PIEZO1: variants seen among roughly 807,000 people sequenced by gnomAD.
PIEZO1 encodes piezo-type mechanosensitive ion channel component 1.
Under a neutral mutation model 297.2 loss-of-function variants are expected in PIEZO1, and 296 were observed. The observed-to-expected ratio is 1.00, with a 90% CI of 0.91 to 1.10. PIEZO1 has a LOEUF of 1.10. Ranked by LOEUF, PIEZO1 falls within the 50% of genes least tolerant of loss-of-function variation. The pLI is 0.00. For synonymous variants in PIEZO1, 2,427 were observed against 1,507.5 expected, an observed-to-expected ratio of 1.61 and a Z score of -14.13; for missense variants, 5,018 against 3,455.5, an observed-to-expected ratio of 1.45 and a Z score of -11.34.
At chr16:88,737,902 C>A (rs1257585881) in intron 8 of PIEZO1, 32 bp downstream of exon 8, 1 of 1,531,482 alleles carries the variant, frequency 6.5e-7, no homozygotes, top group African/African-American at 1.4e-5. Flanking sequence ...GGCCTGGCCT[C>A]AGCCCACCCA....
chr16:88,722,291 G>C lies in PIEZO1; in HGVS notation c.4882C>G (p.Pro1628Ala). The C allele has an allele frequency of 6.5e-7, 1 of 1,548,582 alleles. No individual in the cohort carries two copies. Among genetic ancestry groups the C allele is most frequent in the Non-Finnish European group, 8.7e-7 (1 of 1,146,726 alleles). ...RSGSEEAVTDPGEREAGASLY... is the reference protein window; with the variant it reads ...RSGSEEAVTDAGEREAGASLY... Reference sequence around the variant, plus strand: ...GAGGCACCAGCCTCACGCTCCCCGGGGTCGGTGACTGCCTCCTCACTGCCA... The same window carrying C: ...GAGGCACCAGCCTCACGCTCCCCGGCGTCGGTGACTGCCTCCTCACTGCCA... The change falls in exon 36 of 51, where the codon CCC becomes GCC. Residue 1628 changes from proline to alanine, a missense_variant. Pro to Ala is a conservative substitution (Grantham distance 27). Coordinates refer to ENST00000301015, the MANE Select transcript of PIEZO1 (RefSeq NM_001142864.4).
Position 88,722,083 on chromosome 16 carries a change from G to A in PIEZO1, c.4956-17C>T, listed in dbSNP as rs569360917. 1.1e-4 allele frequency: 177 copies of A among 1,540,280 alleles called. 1 individual carries two copies. Among genetic ancestry groups the A allele is most frequent in the Middle Eastern group, 9.1e-4 (4 of 4,404 alleles). On this transcript the variant is annotated splice_polypyrimidine_tract_variant and intron_variant, in intron 36 of 50. Coordinates refer to ENST00000301015, the MANE Select transcript of PIEZO1 (RefSeq NM_001142864.4). ...CGCAGGCGCCTACAGGGAGACCCGC[G>A]TGTTTGGGGGAGTCTGGGACTGCCC...
Position 88,727,322 on chromosome 16 carries a change from G to A in PIEZO1, c.3302-130C>T, listed in dbSNP as rs1037236580. 9.1e-6 allele frequency: 10 copies of A among 1,102,968 alleles called. No individual in the cohort carries two copies. In the African/African-American group the frequency reaches 1.4e-4, roughly 16 times the overall value. The allele number at this position is 1,102,968 out of a possible 1,614,324, so 68.3% of individuals were successfully genotyped here. A position where few individuals can be genotyped will look rare whatever the true frequency, so the allele number is the denominator to read the frequency against. ...TGGGAGCGGACACACGTCTGCCTGG[G>A]TGAGTGGCCGGGTGTCCCTGGGGGA... On this transcript the variant is annotated intron_variant, in intron 23 of 50. Coordinates refer to ENST00000301015, the MANE Select transcript of PIEZO1 (RefSeq NM_001142864.4).
chr16:88,727,387 C>T (rs916346583), intron 23 of PIEZO1, among the ~76,000 whole-genome samples, 170 bp downstream of exon 23: 4 of 152,192 alleles, frequency 2.6e-5, no homozygotes, highest in Non-Finnish European at 5.9e-5. Flanking sequence ...CTGCCGTGCA[C>T]ACAGGCTGAG....
intron 1 of PIEZO1, among the ~76,000 whole-genome samples, chr16:88,779,906 G>A (rs910016145): frequency 6.6e-6 from 1 of 152,244 alleles, no homozygotes; most frequent in Non-Finnish European, 1.5e-5. Context: ...AGCCTTCCGG[G>A]GGGGACGGCT....
intron 44 of PIEZO1, 155 bp downstream of exon 44, chr16:88,719,419 G>A: frequency 1.5e-6 from 1 of 658,236 alleles, no homozygotes; most frequent in Non-Finnish European, 2.6e-6. Context: ...CTGGCCTCGT[G>A]ATCAGCTAGT....
chr16:88,728,515 C>A (rs12598827), intron 22 of PIEZO1, among the ~76,000 whole-genome samples: 1 of 98,754 alleles, frequency 1.0e-5, no homozygotes, highest in African/African-American at 3.7e-5. Flanking sequence ...CATGCTGAAC[C>A]CACAGCCCCA....
intron 1 of PIEZO1, among the ~76,000 whole-genome samples, chr16:88,762,260 G>A (rs1567689828): frequency 6.9e-6 from 1 of 143,926 alleles, no homozygotes; most frequent in African/African-American, 2.5e-5. Flanking sequence ...AAGGGCCCCC[G>A]CTGGCCTTTG....
chr16:88,734,980 G>A lies in PIEZO1; in HGVS notation c.1743C>T (p.Ile581=), dbSNP rs1905107439. ...CGATGAACATGCCAGCACACACATA[G>A]ATCCAGTACTTGGCGTACACGCCCT... The part of the protein sequence containing the change: ...LVKGVYAKYW[I]YVCAGMFIVV... Residue 581 remains isoleucine, a synonymous_variant, in exon 14 of 51, where the codon ATC becomes ATT. Coordinates refer to ENST00000301015, the MANE Select transcript of PIEZO1 (RefSeq NM_001142864.4). 2 of 1,550,428 alleles carry A rather than the reference G, an allele frequency of 1.3e-6. No homozygotes were observed. The highest frequency in any genetic ancestry group is 1.4e-5 in the African/African-American group (1 of 73,070).
At position 88,741,469 on chromosome 16, in the gene PIEZO1, T is replaced by A. The variant is rs1905651688; in HGVS notation, c.465+9A>T. On this transcript the variant is annotated intron_variant, in intron 5 of 50. Transcript: ENST00000301015. ...CTCCCTGACACACGGGTGACGCAGC[T>A]GCCCTCACCAGCTCCCGTGGATGTG... 6.5e-7 allele frequency: 1 copy of A among 1,532,118 alleles called. No individual in the cohort carries two copies. Among genetic ancestry groups the A allele is most frequent in the Non-Finnish European group, 8.7e-7 (1 of 1,144,612 alleles). The allele number at this position is 1,532,118 out of a possible 1,614,324, so 94.9% of individuals were successfully genotyped here.
At chr16:88,725,158 G>C (rs1348549428) in intron 29 of PIEZO1, 78 bp from the exon 30 acceptor site, 2 of 1,024,736 alleles carry the variant, frequency 2.0e-6, no homozygotes, top group East Asian at 2.8e-5. Context: ...TCCCGTCTTG[G>C]AGACAGGATA....
At chr16:88,726,069 G>A in intron 27 of PIEZO1, 1 of 587,836 alleles carries the variant, frequency 1.7e-6, no homozygotes, top group East Asian at 2.8e-5. Flanking sequence ...CGTCAGCACT[G>A]CAGCCTGTGG....
At chr16:88,766,574 C>T (rs1907189956) in intron 1 of PIEZO1, among the ~76,000 whole-genome samples, 1 of 152,242 alleles carries the variant, frequency 6.6e-6, no homozygotes, top group Non-Finnish European at 1.5e-5. Context: ...ACACACCCAC[C>T]TACCTCCGGG....
At position 88,721,684 on chromosome 16, in the gene PIEZO1, G is replaced by C; in HGVS notation, c.5257C>G (p.Pro1753Ala). Residue 1753 changes from proline to alanine, a missense_variant, in exon 38 of 51, where the codon CCC (proline) becomes GCC (alanine). Transcript: ENST00000301015. ...CGCAGCACCACGTGGCTGTTCCAGG[G>C]GAAGAACCCAAACTGGAACAGGTAC... is the stretch of plus-strand genomic sequence containing the variant. ...VKYLFQFGFF[P>A]WNSHVVLRRY... 1.3e-6 allele frequency: 2 copies of C among 1,549,604 alleles called. No individual in the cohort carries two copies. Among genetic ancestry groups the C allele is most frequent in the Non-Finnish European group, 1.7e-6 (2 of 1,146,716 alleles).
chr16:88,768,194 G>A (rs146240921), intron 1 of PIEZO1, among the ~76,000 whole-genome samples: 1 of 152,330 alleles, frequency 6.6e-6, no homozygotes, highest in East Asian at 1.9e-4. Context: ...CAAGAGCTGG[G>A]CTCCTCTTGT....
chr16:88,721,786 C>A, intron 37 of PIEZO1, 22 bp downstream of exon 37: 1 of 1,538,090 alleles, frequency 6.5e-7, no homozygotes, highest in Non-Finnish European at 8.8e-7. Flanking sequence ...CGGGCGCCCC[C>A]TCCCCCGCGG....
Position 88,749,370 on chromosome 16 carries a change from T to C in PIEZO1, c.160+14A>G. 1 of 1,460,360 alleles carries C rather than the reference T, an allele frequency of 6.8e-7. No individual in the cohort carries two copies. Among genetic ancestry groups the C allele is most frequent in the Non-Finnish European group, 9.0e-7 (1 of 1,112,592 alleles). The allele number at this position is 1,460,360 out of a possible 1,614,324, so 90.5% of individuals were successfully genotyped here. ...TCCCACCCTGAGAGCGTGGGCAGGG[T>C]CCCCTGGCCTTACCTTGGAGGCCGC... On this transcript the variant is annotated intron_variant, in intron 2 of 50. Transcript: ENST00000301015.
chr16:88,731,553 G>A (rs908321088), intron 22 of PIEZO1, 153 bp downstream of exon 22: 22 of 616,332 alleles, frequency 3.6e-5, no homozygotes, highest in Middle Eastern at 4.3e-4. Context: ...AGGTGATGGC[G>A]CCTGGGTAGG....
rs751878651 is a variant in PIEZO1, at chr16:88,716,352, T to A, written c.7049+9A>T. 230 of 1,524,790 alleles carry A rather than the reference T, an allele frequency of 1.5e-4. No homozygotes were observed. The highest frequency in any genetic ancestry group is 1.9e-4 in the Non-Finnish European group (215 of 1,131,196). 94.5% of individuals were successfully genotyped at this position (1,524,790 alleles called of 1,614,324 possible). A position where few individuals can be genotyped will look rare whatever the true frequency, so the allele number is the denominator to read the frequency against. Reference sequence around the variant, plus strand: ...GCCCTCCTGCCCACCACCCGGGCCCTTCACTCACACAGACTGGTCCGAGGT... The same window carrying A: ...GCCCTCCTGCCCACCACCCGGGCCCATCACTCACACAGACTGGTCCGAGGT... On this transcript the variant is annotated intron_variant, in intron 48 of 50. Transcript: ENST00000301015.
Sources: allele counts gnomAD v4.1 joint callset (sites outside exome capture counted in the v4.1 genomes callset), GRCh38; gene constraint gnomAD v4.1.1; transcripts MANE v1.5; gene names NCBI Gene and HGNC (gene_info 2026-07-23, HGNC 2026-07-21).